Variants in TRPM3 observed in about 807,000 individuals in gnomAD.
TRPM3 encodes long transient receptor potential channel 3.
In TRPM3, 77 loss-of-function variants were observed where a neutral mutation model predicts 181.2. That is an observed-to-expected ratio of 0.42 (90% CI 0.35 to 0.51). TRPM3 has a LOEUF of 0.51. Ranked by LOEUF, TRPM3 falls within the 20% of genes least tolerant of loss-of-function variation. The probability of loss-of-function intolerance (pLI) is 0.01; values close to 1 mark genes in which losing one functional copy is unlikely to be tolerated. For synonymous variants in TRPM3, 745 were observed against 796.4 expected (o/e 0.94, Z 1.09); for missense variants, 1,759 against 2,196.7 (o/e 0.80, Z 3.98).
chr9:71,000,901 A>C (rs1213832740), intron 1 of TRPM3, among the ~76,000 whole-genome samples: 1 of 152,252 alleles, frequency 6.6e-6, no homozygotes, highest in Non-Finnish European at 1.5e-5. Context: ...CATAGAAGGA[A>C]CTGATATTAG....
At chr9:70,846,969 C>T (rs1173680743) in intron 3 of TRPM3, among the ~76,000 whole-genome samples, 1 of 152,090 alleles carries the variant, frequency 6.6e-6, no homozygotes, top group Admixed American at 6.5e-5. Context: ...TAACTAGATG[C>T]ACATATTATT....
chr9:70,876,894 C>A (rs1169922627), intron 1 of TRPM3, among the ~76,000 whole-genome samples: 2 of 151,938 alleles, frequency 1.3e-5, no homozygotes, highest in East Asian at 1.9e-4. Context: ...AAAATACAGT[C>A]TCATATACTC....
chr9:71,369,569 T>A (rs1354882258), intron 1 of TRPM3, among the ~76,000 whole-genome samples: 1 of 152,098 alleles, frequency 6.6e-6, no homozygotes, highest in Non-Finnish European at 1.5e-5. Flanking sequence ...AGTGGCGCGA[T>A]CTCAGCTCAC....
At chr9:70,935,737 G>A (rs1245692839) in intron 1 of TRPM3, among the ~76,000 whole-genome samples, 1 of 152,088 alleles carries the variant, frequency 6.6e-6, no homozygotes, top group Non-Finnish European at 1.5e-5. Flanking sequence ...TCTGGATAAG[G>A]CTTAGACAAA....
chr9:71,015,758 T>C (rs1222530472), intron 1 of TRPM3, among the ~76,000 whole-genome samples: 1 of 152,180 alleles, frequency 6.6e-6, no homozygotes, highest in Admixed American at 6.5e-5. Flanking sequence ...GAACCAGAGT[T>C]CTTTAATAAT....
intron 12 of TRPM3, among the ~76,000 whole-genome samples, chr9:70,626,650 C>T (rs538179664): frequency 6.6e-6 from 1 of 152,278 alleles, no homozygotes; most frequent in East Asian, 1.9e-4. Context: ...GATGCACACT[C>T]AAGTTTGTCA....
At chr9:71,202,513 G>A (rs1212716897) in intron 1 of TRPM3, among the ~76,000 whole-genome samples, 1 of 152,096 alleles carries the variant, frequency 6.6e-6, no homozygotes, top group Non-Finnish European at 1.5e-5. Context: ...GACTTCATAG[G>A]CAGAATAAGA....
chr9:71,177,298 G>C (rs2077154352), intron 1 of TRPM3, among the ~76,000 whole-genome samples: 1 of 151,976 alleles, frequency 6.6e-6, no homozygotes, highest in Non-Finnish European at 1.5e-5. Flanking sequence ...ACAATGTAAT[G>C]ATAATATAAA....
chr9:71,407,258 C>A (rs758799196), intron 1 of TRPM3, among the ~76,000 whole-genome samples: 5 of 152,116 alleles, frequency 3.3e-5, no homozygotes, highest in Non-Finnish European at 7.3e-5. Context: ...GAAGTGTGAG[C>A]TGAAGCACAG....
At chr9:70,594,638 G>A (rs2058692208) in intron 21 of TRPM3, among the ~76,000 whole-genome samples, 1 of 152,158 alleles carries the variant, frequency 6.6e-6, no homozygotes, top group Non-Finnish European at 1.5e-5. Flanking sequence ...CGGATATGCA[G>A]GCTTTCCATG....
intron 1 of TRPM3, among the ~76,000 whole-genome samples, chr9:71,320,488 T>A (rs1160502690): frequency 2.6e-5 from 4 of 152,124 alleles, no homozygotes; most frequent in African/African-American, 9.7e-5. Context: ...AATATCCTTT[T>A]CTTAATCAGT....
chr9:71,297,248 A>G (rs2086361482), intron 1 of TRPM3, among the ~76,000 whole-genome samples: 3 of 152,134 alleles, frequency 2.0e-5, no homozygotes, highest in South Asian at 4.1e-4. Context: ...TTCAGTAACA[A>G]TAGTGGTATT....
chr9:70,561,308 C>T (rs187238864), intron 22 of TRPM3, among the ~76,000 whole-genome samples: 2 of 152,294 alleles, frequency 1.3e-5, no homozygotes, highest in Admixed American at 1.3e-4. Flanking sequence ...ACTGGGAGGA[C>T]AAATTTGATT....
At chr9:71,361,441 C>CCA (rs914183745) in intron 1 of TRPM3, among the ~76,000 whole-genome samples, 1 of 152,130 alleles carries the variant, frequency 6.6e-6, no homozygotes, top group Admixed American at 6.5e-5. Flanking sequence ...AATAATGTAT[C>CCA]CACACACACA....
At chr9:70,930,287 A>G (rs1274579726) in intron 1 of TRPM3, among the ~76,000 whole-genome samples, 1 of 152,200 alleles carries the variant, frequency 6.6e-6, no homozygotes, top group Non-Finnish European at 1.5e-5. Flanking sequence ...ATTTATTATT[A>G]TCTTTTTCAC....
chr9:71,134,010 T>C (rs796352076), intron 1 of TRPM3, among the ~76,000 whole-genome samples: 18,542 of 87,704 alleles, frequency 0.21, 1,327 homozygotes, highest in African/African-American at 0.25. Flanking sequence ...TGTGTGTGTG[T>C]GTGTGCGCGT....
At chr9:70,614,091 T>C (rs1221582651) in intron 18 of TRPM3, among the ~76,000 whole-genome samples, 1 of 152,114 alleles carries the variant, frequency 6.6e-6, no homozygotes, top group Non-Finnish European at 1.5e-5. Flanking sequence ...TGTCTAAAAG[T>C]GTGGCTGATG....
intron 6 of TRPM3, among the ~76,000 whole-genome samples, chr9:70,809,511 G>A (rs1168381996): frequency 6.6e-6 from 1 of 151,960 alleles, no homozygotes; most frequent in African/African-American, 2.4e-5. Context: ...ACTTACCATC[G>A]TGTTACAGTT....
In TRPM3 at chr9:70,543,003, T is replaced by G. The variant is rs184955380; in HGVS notation, c.3708-5598A>C. 2.1e-4 allele frequency among the ~76,000 whole-genome samples: 32 copies of G among 152,272 alleles called. No homozygotes were observed. The East Asian group carries it at 5.0e-3, about 24-fold the overall frequency. ...TCTGGGGAGAAAAAGAGAAACAAGT[T>G]TAAACTTAACTCAGTTAATGGAGAG... is the stretch of plus-strand genomic sequence containing the variant. On this transcript the variant is annotated intron_variant, in intron 25 of 25. Coordinates refer to ENST00000677713, the MANE Select transcript of TRPM3 (RefSeq NM_001366145.2).
Sources: gnomAD v4.1 joint callset for allele counts (sites outside exome capture counted in the v4.1 genomes callset) on GRCh38, gnomAD v4.1.1 for gene constraint, MANE v1.5 for transcripts, NCBI Gene and HGNC (gene_info 2026-07-23, HGNC 2026-07-21) for gene names.